WDR49: variants seen among roughly 807,000 people sequenced by gnomAD.
The protein encoded by WDR49 is WD repeat domain 49, also known as cilia- and flagella-associated protein 337.
Under a neutral mutation model 119.5 loss-of-function variants are expected in WDR49, and 107 were observed. That is an observed-to-expected ratio of 0.90 (90% CI 0.77 to 1.05). The LOEUF (loss-of-function observed/expected upper bound fraction) is 1.05, where lower values mean the gene tolerates loss of function less well. WDR49 is among the 50% of genes least tolerant of loss of function. The pLI is 0.00. For missense variants in WDR49, 1,240 were observed against 1,220.5 expected, an observed-to-expected ratio of 1.02 and a Z score of -0.24; for synonymous variants, 425 against 418.8, an observed-to-expected ratio of 1.01 and a Z score of -0.18.
intron 8 of WDR49, among the ~76,000 whole-genome samples, chr3:167,565,806 A>C (rs967485220): frequency 1.3e-5 from 2 of 151,862 alleles, no homozygotes; most frequent in African/African-American, 4.8e-5. Flanking sequence ...AAACTACCAA[A>C]CTCCCATAAG....
At chr3:167,601,037 A>C (rs988852123) in intron 7 of WDR49, among the ~76,000 whole-genome samples, 2 of 152,192 alleles carry the variant, frequency 1.3e-5, no homozygotes, top group East Asian at 3.8e-4. Context: ...AATGGAGGGC[A>C]GAGTAGAGTC....
At chr3:167,547,222 A>G (rs1577231201) in intron 10 of WDR49, among the ~76,000 whole-genome samples, 1 of 151,852 alleles carries the variant, frequency 6.6e-6, no homozygotes, top group East Asian at 1.9e-4. Context: ...GTGATATATA[A>G]GTTTTATTTT....
chr3:167,511,419 G>C (rs564176649), intron 16 of WDR49, among the ~76,000 whole-genome samples: 5 of 152,108 alleles, frequency 3.3e-5, no homozygotes, highest in Admixed American at 3.3e-4. Flanking sequence ...GTCTACCGAC[G>C]CCTATATAAT....
chr3:167,529,289 G>C (rs772423379), intron 13 of WDR49, 50 bp from the exon 14 acceptor site: 3 of 1,482,866 alleles, frequency 2.0e-6, no homozygotes, highest in Non-Finnish European at 1.8e-6. Context: ...ACAAATGCCA[G>C]AAATAACTTC....
chr3:167,488,704 C>T (rs1001915225), intron 18 of WDR49, among the ~76,000 whole-genome samples: 1 of 152,158 alleles, frequency 6.6e-6, no homozygotes, highest in Non-Finnish European at 1.5e-5. Context: ...CAGCCAGTGT[C>T]TAGATGAATC....
chr3:167,569,519 T>A (rs1713805508), intron 8 of WDR49, among the ~76,000 whole-genome samples: 1 of 152,012 alleles, frequency 6.6e-6, no homozygotes. Context: ...CAAAAAAAGT[T>A]CCAATATATT....
chr3:167,640,891 A>C (rs1018236087), intron 2 of WDR49, among the ~76,000 whole-genome samples: 8 of 151,796 alleles, frequency 5.3e-5, no homozygotes, highest in African/African-American at 1.7e-4. Context: ...CAATATGGCT[A>C]AAATTATTTT....
At chr3:167,561,624 AG>A (rs1489014522) in intron 8 of WDR49, among the ~76,000 whole-genome samples, 1 of 152,120 alleles carries the variant, frequency 6.6e-6, no homozygotes, top group African/African-American at 2.4e-5. Flanking sequence ...TGGAGGAGCA[AG>A]GGGCAAGTCA....
intron 8 of WDR49, among the ~76,000 whole-genome samples, chr3:167,565,917 A>G (rs1474511748): frequency 6.6e-6 from 1 of 152,218 alleles, no homozygotes; most frequent in African/African-American, 2.4e-5. Flanking sequence ...ATCTTTATAT[A>G]TAAGATCATT....
chr3:167,560,279 C>A (rs764865623), intron 8 of WDR49, 51 bp from the exon 9 acceptor site: 22 of 1,536,256 alleles, frequency 1.4e-5, no homozygotes, highest in Middle Eastern at 1.9e-4. Context: ...CAGAATCAAC[C>A]ATTTATATTT....
Position 167,527,814 on chromosome 3 carries a change from T to C in WDR49, c.2604+6A>G. 1.2e-6 allele frequency: 2 copies of C among 1,611,280 alleles called. No individual in the cohort carries two copies. Among genetic ancestry groups the C allele is most frequent in the Non-Finnish European group, 1.7e-6 (2 of 1,178,796 alleles). On this transcript the variant is annotated splice_donor_region_variant and intron_variant, in intron 15 of 18. Coordinates refer to ENST00000682715, the MANE Select transcript of WDR49 (RefSeq NM_001366157.1). The stretch of plus-strand genomic sequence containing the variant: ...TACTAGAATAATAAAGAAGCAATAT[T>C]TCTACCTGACCAAAGATCCAAACAG...
chr3:167,610,017 T>C (rs1187459555), intron 5 of WDR49, among the ~76,000 whole-genome samples: 2 of 149,952 alleles, frequency 1.3e-5, no homozygotes, highest in African/African-American at 2.4e-5. Flanking sequence ...TGAAGAGCCC[T>C]TGTGCCCTGA....
chr3:167,637,642 A>G (rs946087248), intron 2 of WDR49, among the ~76,000 whole-genome samples: 5 of 151,566 alleles, frequency 3.3e-5, no homozygotes, highest in Non-Finnish European at 7.4e-5. Context: ...ATGTGTTTCC[A>G]TTTGTTTGTC....
chr3:167,653,087 G>C (rs1370196243), intron 2 of WDR49, among the ~76,000 whole-genome samples, 174 bp downstream of exon 2: 1 of 152,118 alleles, frequency 6.6e-6, no homozygotes. Flanking sequence ...AAGAACTGAG[G>C]GGCAAAGCTA....
intron 8 of WDR49, among the ~76,000 whole-genome samples, chr3:167,563,353 C>CAAAAAAAAAAA (rs61247447): frequency 1.6e-3 from 90 of 55,888 alleles, no homozygotes; most frequent in Non-Finnish European, 2.5e-3. Context: ...GATTCTGAAT[C>CAAAAAAAAAAA]AAAAAAAAAA....
intron 7 of WDR49, among the ~76,000 whole-genome samples, chr3:167,582,045 TGTGTGTGTGTGTG>T (rs1714561875): frequency 1.1e-5 from 1 of 89,632 alleles, no homozygotes; most frequent in Non-Finnish European, 2.7e-5. Context: ...TGTGTGTGTG[TGTGTGTGTGTGTG>T]TGTGTGTGTG....
intron 7 of WDR49, among the ~76,000 whole-genome samples, chr3:167,579,188 C>T (rs1474403124): frequency 6.6e-6 from 1 of 152,036 alleles, no homozygotes; most frequent in East Asian, 1.9e-4. Flanking sequence ...TTATAAATTA[C>T]CCAGTCTCAG....
At position 167,535,607 on chromosome 3, in the gene WDR49, T is replaced by C. The variant is rs74944808; in HGVS notation, c.1954+1263A>G. Among the ~76,000 whole-genome samples the C allele has an allele frequency of 7.9e-3, 1,196 of 152,128 alleles. 9 individuals are homozygous for C. The highest frequency in any genetic ancestry group is 0.031 in the East Asian group (162 of 5,148). ...AAAAATCAAAAGATAAAAGTATTGG[T>C]GAAGATATGGGGCAGAGGAAACACT... On this transcript the variant is annotated intron_variant, in intron 11 of 18. Transcript: ENST00000682715.
intron 5 of WDR49, among the ~76,000 whole-genome samples, chr3:167,612,909 T>C (rs1310558977): frequency 1.3e-5 from 2 of 152,120 alleles, no homozygotes; most frequent in Non-Finnish European, 2.9e-5. Flanking sequence ...CTGGGAATGG[T>C]AGTGGGGGCC....
Sources: gnomAD v4.1 joint callset for allele counts (sites outside exome capture counted in the v4.1 genomes callset) on GRCh38, gnomAD v4.1.1 for gene constraint, MANE v1.5 for transcripts, NCBI Gene and HGNC (gene_info 2026-07-23, HGNC 2026-07-21) for gene names.